Variants in KLHL4 observed in about 807,000 individuals in gnomAD.
KLHL4 encodes the protein kelch like family member 4, also known as kelch-like protein 4.
Under a neutral mutation model 45.8 loss-of-function variants are expected in KLHL4, and 17 were observed. The observed-to-expected ratio is 0.37, with a 90% CI of 0.25 to 0.56. KLHL4 has a LOEUF of 0.56. KLHL4 is among the 20% of genes least tolerant of loss of function. KLHL4 has a pLI of 0.79. For synonymous variants in KLHL4, 224 were observed against 189.9 expected, an observed-to-expected ratio of 1.18 and a Z score of -1.47; for missense variants, 544 against 544.9, an observed-to-expected ratio of 1.00 and a Z score of 0.02.
At chrX:87,551,194 G>A (rs1418837063) in intron 1 of KLHL4, among the ~76,000 whole-genome samples, 1 of 110,729 alleles carries the variant, frequency 9.0e-6, no homozygotes, top group Non-Finnish European at 1.9e-5. Flanking sequence ...ACACAAATCA[G>A]TACCTCTTCT....
At chrX:87,599,836 C>T (rs1013332186) in intron 1 of KLHL4, among the ~76,000 whole-genome samples, 4 of 111,293 alleles carry the variant, frequency 3.6e-5, no homozygotes, top group African/African-American at 6.6e-5. Flanking sequence ...TAGCAGCATT[C>T]GGTGAAAAAC....
intron 4 of KLHL4, among the ~76,000 whole-genome samples, chrX:87,619,876 T>C (rs1406317082): frequency 1.8e-5 from 2 of 111,940 alleles, no homozygotes; most frequent in African/African-American, 6.5e-5. Context: ...GTTGTTGCAG[T>C]ACTGGATTGA....
intron 1 of KLHL4, among the ~76,000 whole-genome samples, chrX:87,525,374 T>G (rs1402863992): frequency 9.0e-6 from 1 of 111,440 alleles, no homozygotes; most frequent in African/African-American, 3.3e-5. Flanking sequence ...AGAAAAACAA[T>G]GACAGATATA....
intron 1 of KLHL4, among the ~76,000 whole-genome samples, chrX:87,535,586 T>C (rs767254015): frequency 4.5e-5 from 5 of 111,300 alleles, no homozygotes; most frequent in Admixed American, 1.9e-4. Context: ...TATTAGCACC[T>C]GGGGGCTTCT....
intron 1 of KLHL4, among the ~76,000 whole-genome samples, chrX:87,572,794 T>TAAAAA (rs59585746): frequency 1.3e-5 from 1 of 77,856 alleles, no homozygotes; most frequent in Non-Finnish European, 2.5e-5. Flanking sequence ...TAAAGTATAA[T>TAAAAA]AAAAAAAAAA....
chrX:87,585,468 G>A (rs771867123), intron 1 of KLHL4, among the ~76,000 whole-genome samples: 1 of 111,293 alleles, frequency 9.0e-6, no homozygotes, highest in Non-Finnish European at 1.9e-5. Flanking sequence ...TGTTAAAGCA[G>A]GGGTAATAGC....
intron 9 of KLHL4, among the ~76,000 whole-genome samples, chrX:87,659,110 TTTC>T (rs1452656889): frequency 6.6e-5 from 6 of 91,547 alleles, no homozygotes; most frequent in Admixed American, 3.8e-4. Context: ...TATTCTTTTC[TTTC>T]TTTTTTTTTT....
At chrX:87,552,610 A>T (rs1018717514) in intron 1 of KLHL4, among the ~76,000 whole-genome samples, 24 of 111,202 alleles carry the variant, frequency 2.2e-4, no homozygotes, top group African/African-American at 7.8e-4. Flanking sequence ...ATGCATGTTT[A>T]TAGCAGCACT....
At chrX:87,574,467 C>T (rs1001307233) in intron 1 of KLHL4, among the ~76,000 whole-genome samples, 1 of 111,126 alleles carries the variant, frequency 9.0e-6, no homozygotes, top group African/African-American at 3.3e-5. Flanking sequence ...ATTGAGAAAC[C>T]CACTCAGTTT....
chrX:87,649,465 T>G (rs1365089134), intron 9 of KLHL4, among the ~76,000 whole-genome samples: 2 of 111,770 alleles, frequency 1.8e-5, no homozygotes, highest in African/African-American at 6.5e-5. Context: ...TCCTGTTTCA[T>G]AGATTTCCTG....
rs971914909 is a variant in KLHL4, at chrX:87,531,443, A to G, written c.422+13128A>G. Among the ~76,000 whole-genome samples, 22 of 111,103 alleles carry G rather than the reference A, an allele frequency of 2.0e-4. 1 individual carries two copies. Among genetic ancestry groups the G allele is most frequent in the Middle Eastern group, 8.4e-3 (2 of 237 alleles). On this transcript the variant is annotated intron_variant, in intron 1 of 10. Transcript: ENST00000373119. The stretch of plus-strand genomic sequence containing the variant: ...TAATCCACCTTGAATTGATTTTTGT[A>G]TAAGGTGTAAGGAACATAGTGTTGG...
intron 1 of KLHL4, among the ~76,000 whole-genome samples, chrX:87,533,854 T>G (rs771082171): frequency 5.4e-5 from 6 of 111,204 alleles, no homozygotes; most frequent in Non-Finnish European, 1.1e-4. Flanking sequence ...GGGAAAGGAA[T>G]TCAAGAGCTT....
chrX:87,634,005 TAACC>T, intron 8 of KLHL4, 94 bp downstream of exon 8: 2 of 702,835 alleles, frequency 2.8e-6, no homozygotes, highest in East Asian at 6.7e-5. Flanking sequence ...GCATTCCAAA[TAACC>T]TGGATGTACT....
intron 9 of KLHL4, among the ~76,000 whole-genome samples, chrX:87,651,120 A>G (rs762178703): frequency 8.9e-6 from 1 of 112,089 alleles, no homozygotes; most frequent in African/African-American, 3.2e-5. Flanking sequence ...CGTATGAATT[A>G]CAGCGCGTTG....
At chrX:87,603,223 TATGAC>T (rs1209793518) in intron 1 of KLHL4, among the ~76,000 whole-genome samples, 8 of 112,096 alleles carry the variant, frequency 7.1e-5, no homozygotes, top group Non-Finnish European at 1.3e-4. Flanking sequence ...TTGTTAAAGA[TATGAC>T]ATATCAGTTA....
At chrX:87,575,377 A>T (rs992532923) in intron 1 of KLHL4, among the ~76,000 whole-genome samples, 5 of 111,530 alleles carry the variant, frequency 4.5e-5, no homozygotes, top group African/African-American at 1.3e-4. Flanking sequence ...ATGCCTGATG[A>T]TCTGATGTGG....
intron 9 of KLHL4, among the ~76,000 whole-genome samples, chrX:87,654,572 A>G (rs958760537): frequency 2.7e-5 from 3 of 111,525 alleles, no homozygotes; most frequent in Non-Finnish European, 5.7e-5. Context: ...TTGATTTCAT[A>G]TATTTGCTAT....
chrX:87,614,345 C>A (rs5922464), intron 2 of KLHL4, 89 bp from the exon 3 acceptor site: 369,459 of 878,944 alleles, frequency 0.42, 58,356 homozygotes, highest in Middle Eastern at 0.49. Context: ...AACAGACTCA[C>A]TAGTGTTACA....
At chrX:87,570,434 G>T (rs757261686) in intron 1 of KLHL4, among the ~76,000 whole-genome samples, 1 of 110,610 alleles carries the variant, frequency 9.0e-6, no homozygotes, top group Admixed American at 9.6e-5. Flanking sequence ...AGCATGGCAG[G>T]TTCATGGAAT....
Sources: gnomAD v4.1 joint callset for allele counts (sites outside exome capture counted in the v4.1 genomes callset) on GRCh38, gnomAD v4.1.1 for gene constraint, MANE v1.5 for transcripts, NCBI Gene and HGNC (gene_info 2026-07-23, HGNC 2026-07-21) for gene names.